The following DMD variants were observed in gnomAD, a reference collection of about 807,000 sequenced individuals.
The protein encoded by DMD is dystrophin.
Under a neutral mutation model 330.1 loss-of-function variants are expected in DMD, and 63 were observed. That is an observed-to-expected ratio of 0.19 (90% CI 0.16 to 0.24). The LOEUF is 0.24. Among genes scored for constraint, DMD ranks in the 10% least tolerant of loss-of-function variants. The pLI is 1.00. For missense variants in DMD, 3,344 were observed against 2,684.1 expected, an observed-to-expected ratio of 1.25 and a Z score of -5.43; for synonymous variants, 1,223 against 959.8, an observed-to-expected ratio of 1.27 and a Z score of -5.07.
At chrX:32,897,735 C>A (rs5972706) in intron 2 of DMD, among the ~76,000 whole-genome samples, 56,165 of 110,680 alleles carry the variant, frequency 0.51, 10,954 homozygotes, top group East Asian at 0.87. Flanking sequence ...GCAATCAATA[C>A]AAAATGTGTG....
intron 44 of DMD, among the ~76,000 whole-genome samples, chrX:32,180,896 C>T (rs1012709328): frequency 1.8e-5 from 2 of 111,199 alleles, no homozygotes; most frequent in Non-Finnish European, 3.8e-5. Flanking sequence ...GTCTCTCTCC[C>T]TTGACATGTG....
intron 63 of DMD, among the ~76,000 whole-genome samples, chrX:31,241,081 G>A (rs2048225779): frequency 2.5e-5 from 1 of 40,394 alleles, no homozygotes; most frequent in Admixed American, 4.1e-4. Flanking sequence ...TAAAAGTTAG[G>A]AACCTTTCTC....
chrX:32,783,168 C>T (rs111213539), intron 7 of DMD, among the ~76,000 whole-genome samples: 7,208 of 93,919 alleles, frequency 0.077, 716 homozygotes, highest in African/African-American at 0.26. Flanking sequence ...AGATATATGG[C>T]ATATACACAC....
intron 20 of DMD, among the ~76,000 whole-genome samples, chrX:32,487,498 T>C (rs1185792258): frequency 1.8e-5 from 2 of 111,204 alleles, no homozygotes; most frequent in Admixed American, 1.9e-4. Context: ...AATCTGAGCT[T>C]CCTGAAAATC....
intron 15 of DMD, among the ~76,000 whole-genome samples, chrX:32,570,358 GCTTAAA>G (rs967141566): frequency 3.6e-5 from 4 of 111,566 alleles, no homozygotes; most frequent in Non-Finnish European, 7.5e-5. Context: ...TTGTTAATTG[GCTTAAA>G]CTATCAAATG....
intron 43 of DMD, among the ~76,000 whole-genome samples, chrX:32,244,312 A>G (rs1178506813): frequency 9.9e-6 from 1 of 100,921 alleles, no homozygotes; most frequent in East Asian, 3.2e-4. Context: ...CTGGCTGCAT[A>G]GTATTCCATG....
chrX:32,113,094 C>T (rs145612457), intron 44 of DMD, among the ~76,000 whole-genome samples: 353 of 112,276 alleles, frequency 3.1e-3, no homozygotes, highest in African/African-American at 0.01. Flanking sequence ...GTATAATAAA[C>T]GCATATAAAT....
intron 74 of DMD, among the ~76,000 whole-genome samples, chrX:31,163,821 T>A (rs1052718003): frequency 8.9e-6 from 1 of 111,896 alleles, no homozygotes; most frequent in Non-Finnish European, 1.9e-5. Flanking sequence ...TTCTCCAGCA[T>A]GTGAAAATTA....
intron 61 of DMD, among the ~76,000 whole-genome samples, chrX:31,330,804 T>C (rs2057081602): frequency 8.9e-6 from 1 of 112,352 alleles, no homozygotes; most frequent in African/African-American, 3.2e-5. Context: ...TCCAATTTTT[T>C]TCTGTATGAT....
chrX:32,864,211 T>A (rs1349088259), intron 2 of DMD, among the ~76,000 whole-genome samples: 9 of 112,229 alleles, frequency 8.0e-5, no homozygotes, highest in African/African-American at 2.9e-4. Flanking sequence ...CTGTGTACTT[T>A]TTGTGGGTTG....
intron 39 of DMD, among the ~76,000 whole-genome samples, chrX:32,344,858 G>A (rs901412543): frequency 6.3e-5 from 7 of 111,283 alleles, no homozygotes; most frequent in African/African-American, 2.3e-4. Flanking sequence ...ATAGCGTTCC[G>A]ATTTTCTAGA....
intron 43 of DMD, among the ~76,000 whole-genome samples, chrX:32,230,390 G>T (rs868556717): frequency 9.0e-6 from 1 of 111,096 alleles, no homozygotes; most frequent in Non-Finnish European, 1.9e-5. Context: ...GACTACAGGC[G>T]CCCGCCACCA....
At chrX:32,623,554 G>A in intron 11 of DMD, among the ~76,000 whole-genome samples, 1 of 104,016 alleles carries the variant, frequency 9.6e-6, no homozygotes, top group African/African-American at 3.5e-5. Flanking sequence ...TTGAGACAGG[G>A]TCTCATTCTG....
At position 31,804,046 on chromosome X, in the gene DMD, G is replaced by A. The variant is rs766480235; in HGVS notation, c.7309+15929C>T. On this transcript the variant is annotated intron_variant, in intron 50 of 78. Transcript: ENST00000357033. ...TGCCTTCTCCAGCCTAGATGTTTAG[G>A]TGTTCTTACCCTCGAGACTTCAGCT... Among the ~76,000 whole-genome samples, 23 of 110,771 alleles carry A rather than the reference G, an allele frequency of 2.1e-4. 1 individual carries two copies. The Admixed American group carries it at 2.1e-3, about 10-fold the overall frequency.
intron 1 of DMD, among the ~76,000 whole-genome samples, chrX:33,096,479 C>T (rs1386190116): frequency 2.7e-5 from 3 of 109,710 alleles, no homozygotes; most frequent in Non-Finnish European, 5.7e-5. Flanking sequence ...CTGTTTGAAG[C>T]CATGCTATAT....
intron 2 of DMD, among the ~76,000 whole-genome samples, chrX:32,935,840 T>A (rs936093750): frequency 1.8e-5 from 2 of 111,426 alleles, no homozygotes; most frequent in African/African-American, 6.5e-5. Context: ...TAAGGAAGGA[T>A]CACTGTCGCC....
intron 44 of DMD, among the ~76,000 whole-genome samples, chrX:32,199,271 G>C (rs1443827762): frequency 8.9e-6 from 1 of 111,790 alleles, no homozygotes; most frequent in African/African-American, 3.3e-5. Flanking sequence ...TTAATAATTA[G>C]TAGTTCAGCT....
At chrX:32,403,203 C>G (rs1032884530) in intron 30 of DMD, among the ~76,000 whole-genome samples, 2 of 111,475 alleles carry the variant, frequency 1.8e-5, no homozygotes, top group Non-Finnish European at 3.8e-5. Flanking sequence ...CATTTTAGAT[C>G]GATAAATTTT....
At position 32,526,647 on chromosome X, in the gene DMD, G is replaced by A. The variant is rs1008870830; in HGVS notation, c.2169-8516C>T. 2.7e-5 allele frequency among the ~76,000 whole-genome samples: 3 copies of A among 111,408 alleles called. No homozygotes were observed. In the Admixed American group the frequency reaches 2.9e-4, roughly 11 times the overall value. On this transcript the variant is annotated intron_variant, in intron 17 of 78. Coordinates refer to ENST00000357033, the MANE Select transcript of DMD (RefSeq NM_004006.3). ...AATTAGGTTAATTACATCCCATATG[G>A]TAAATACTGAGAGATACCTGTGTAT...
Sources: gnomAD v4.1 joint callset for allele counts (sites outside exome capture counted in the v4.1 genomes callset) on GRCh38, gnomAD v4.1.1 for gene constraint, MANE v1.5 for transcripts, NCBI Gene and HGNC (gene_info 2026-07-23, HGNC 2026-07-21) for gene names.